Variants in EYA1 observed in about 807,000 individuals in gnomAD.
The protein encoded by EYA1 is EYA transcriptional coactivator and phosphatase 1.
In EYA1, 16 loss-of-function variants were observed where a neutral mutation model predicts 82.0. That is an observed-to-expected ratio of 0.20 (90% confidence interval 0.13 to 0.30). The LOEUF (loss-of-function observed/expected upper bound fraction) is 0.30. Among genes scored for constraint, EYA1 ranks in the 10% least tolerant of loss-of-function variants. The probability of loss-of-function intolerance (pLI) is 1.00; values close to 1 mark genes in which losing one functional copy is unlikely to be tolerated. For synonymous variants in EYA1, 261 were observed against 264.4 expected (o/e 0.99, Z 0.12); for missense variants, 633 against 730.7 (o/e 0.87, Z 1.54).
chr8:71,273,080 T>C (rs577817700), intron 9 of EYA1, among the ~76,000 whole-genome samples: 101 of 152,330 alleles, frequency 6.6e-4, no homozygotes, highest in African/African-American at 2.3e-3. Context: ...TCAGAGTAGA[T>C]AGGAAAGGCT....
chr8:71,408,192 A>G (rs1274284082), intron 2 of EYA1, among the ~76,000 whole-genome samples: 1 of 152,044 alleles, frequency 6.6e-6, no homozygotes, highest in Admixed American at 6.5e-5. Context: ...TGTCACCACT[A>G]GGCCTGCCCT....
At chr8:71,399,302 G>T (rs1829818568) in intron 2 of EYA1, among the ~76,000 whole-genome samples, 1 of 152,108 alleles carries the variant, frequency 6.6e-6, no homozygotes, top group South Asian at 2.1e-4. Context: ...ACAAGCCCCA[G>T]TGAGATGAAT....
chr8:71,546,999 C>G (rs1215073369), intron 1 of EYA1, among the ~76,000 whole-genome samples: 11 of 152,184 alleles, frequency 7.2e-5, no homozygotes, highest in Non-Finnish European at 1.6e-4. Context: ...GTTTACACAG[C>G]GGGCATTATT....
At chr8:71,391,043 G>A (rs945974837) in intron 2 of EYA1, among the ~76,000 whole-genome samples, 4 of 151,928 alleles carry the variant, frequency 2.6e-5, no homozygotes, top group Non-Finnish European at 1.5e-5. Context: ...GTGCGATCTC[G>A]GCTCACTGCA....
At chr8:71,272,365 G>A (rs1443727636) in intron 9 of EYA1, among the ~76,000 whole-genome samples, 1 of 152,074 alleles carries the variant, frequency 6.6e-6, no homozygotes, top group Non-Finnish European at 1.5e-5. Flanking sequence ...GAGTCATCAG[G>A]TAGATTTTTC....
At chr8:71,301,919 T>G (rs1415420634) in intron 7 of EYA1, among the ~76,000 whole-genome samples, 1 of 152,160 alleles carries the variant, frequency 6.6e-6, no homozygotes, top group Non-Finnish European at 1.5e-5. Context: ...TTTTGTTTTT[T>G]TTTTAAACAT....
intron 2 of EYA1, among the ~76,000 whole-genome samples, chr8:71,515,955 G>C (rs1586867630): frequency 6.6e-6 from 1 of 151,880 alleles, no homozygotes; most frequent in Admixed American, 6.6e-5. Context: ...CAAAAGGATG[G>C]GATTAATAAA....
chr8:71,404,291 C>G (rs1038629215), intron 2 of EYA1: 1 of 152,098 alleles, frequency 6.6e-6, no homozygotes, highest in Non-Finnish European at 1.5e-5. Context: ...GAAGAAAATA[C>G]AAAAATAATG....
intron 11 of EYA1, among the ~76,000 whole-genome samples, chr8:71,246,802 G>T (rs1458603055): frequency 6.6e-6 from 1 of 152,136 alleles, no homozygotes; most frequent in African/African-American, 2.4e-5. Flanking sequence ...GTGGGAGATG[G>T]GAGCGGAGCC....
intron 2 of EYA1, among the ~76,000 whole-genome samples, chr8:71,454,861 T>C (rs1053708339): frequency 2.0e-5 from 3 of 152,072 alleles, no homozygotes; most frequent in Non-Finnish European, 4.4e-5. Flanking sequence ...TTAAAAGAAC[T>C]AGAGAAGCAA....
At chr8:71,419,658 A>C (rs963998780) in intron 2 of EYA1, among the ~76,000 whole-genome samples, 4 of 152,080 alleles carry the variant, frequency 2.6e-5, no homozygotes, top group Non-Finnish European at 5.9e-5. Context: ...ATTTTTTATT[A>C]TTTTGAAATT....
intron 2 of EYA1, among the ~76,000 whole-genome samples, chr8:71,463,654 C>T (rs1346200301): frequency 7.4e-6 from 1 of 135,622 alleles, no homozygotes; most frequent in Non-Finnish European, 1.5e-5. Context: ...CCCTCCCACA[C>T]ACACACTCAC....
chr8:71,285,189 G>C (rs1187041816), intron 9 of EYA1, among the ~76,000 whole-genome samples: 1 of 152,210 alleles, frequency 6.6e-6, no homozygotes, highest in African/African-American at 2.4e-5. Flanking sequence ...GGAACCAGGG[G>C]ATGCAATTTA....
chr8:71,525,513 G>A (rs1813738266), intron 2 of EYA1, among the ~76,000 whole-genome samples: 1 of 152,024 alleles, frequency 6.6e-6, no homozygotes, highest in African/African-American at 2.4e-5. Context: ...GTATGTGATT[G>A]TTAACATATT....
chr8:71,221,543 C>T (rs1056358380), intron 12 of EYA1, among the ~76,000 whole-genome samples: 1 of 152,152 alleles, frequency 6.6e-6, no homozygotes, highest in Non-Finnish European at 1.5e-5. Context: ...GGCTCAGAAA[C>T]AAGTCAGCAG....
chr8:71,516,232 T>C (rs1812968874), intron 2 of EYA1, among the ~76,000 whole-genome samples: 1 of 152,168 alleles, frequency 6.6e-6, no homozygotes. Context: ...GAATAGCCAC[T>C]GAGTACCAGG....
intron 3 of EYA1, 134 bp downstream of exon 3, chr8:71,354,648 A>C: frequency 1.2e-6 from 1 of 858,252 alleles, no homozygotes; most frequent in South Asian, 1.4e-5. Context: ...TTGGTAAGTC[A>C]CATTATTACC....
chr8:71,492,418 G>A (rs2129226067), intron 2 of EYA1, among the ~76,000 whole-genome samples: 1 of 152,164 alleles, frequency 6.6e-6, no homozygotes, highest in South Asian at 2.1e-4. Flanking sequence ...GTCTTTGGCA[G>A]ATGACATCCC....
rs34239859 is a variant in EYA1 at position 71,451,917 on chromosome 8, TG to T, written c.33+83826del. ...CATCTCACTGGGGCTCATCGGACAG[TG>T]GGTGCAGGACTGTGGGTGCAGCCCA... On this transcript the variant is annotated intron_variant, in intron 2 of 18. Coordinates refer to the EYA1 transcript ENST00000643681. 1.2e-4 allele frequency among the ~76,000 whole-genome samples: 18 copies of T among 152,218 alleles called. No homozygotes were observed. In the East Asian group the frequency reaches 3.5e-3, roughly 29 times the overall value.
Sources: allele counts gnomAD v4.1 joint callset (sites outside exome capture counted in the v4.1 genomes callset), GRCh38; gene constraint gnomAD v4.1.1; transcripts MANE v1.5; gene names NCBI Gene and HGNC (gene_info 2026-07-23, HGNC 2026-07-21).